Variants in EIF4G3 observed in about 807,000 individuals in gnomAD.
The protein encoded by EIF4G3 is eukaryotic translation initiation factor 4 gamma 3.
EIF4G3 carries 34 observed loss-of-function variants against 186.4 expected under a neutral mutation model. The observed-to-expected ratio is 0.18, with a 90% CI of 0.14 to 0.24. The LOEUF is 0.24. Among genes scored for constraint, EIF4G3 ranks in the 10% least tolerant of loss-of-function variants. The probability of loss-of-function intolerance (pLI) is 1.00; values close to 1 mark genes in which losing one functional copy is unlikely to be tolerated. For synonymous variants in EIF4G3, 673 were observed against 679.5 expected (o/e 0.99, Z 0.15); for missense variants, 1,536 against 1,948.5 (o/e 0.79, Z 3.99).
intron 2 of EIF4G3, among the ~76,000 whole-genome samples, chr1:21,103,814 A>AAC (rs2096568460): frequency 6.6e-6 from 1 of 152,172 alleles, no homozygotes; most frequent in Non-Finnish European, 1.5e-5. Context: ...ACTGCACTCC[A>AAC]ACCTGGGCAA....
intron 12 of EIF4G3, among the ~76,000 whole-genome samples, chr1:20,965,313 C>T (rs1271673697): frequency 6.6e-6 from 1 of 152,168 alleles, no homozygotes; most frequent in Non-Finnish European, 1.5e-5. Flanking sequence ...CTACAAAAGA[C>T]GTATTTTTAA....
chr1:20,990,355 A>G (rs1318490922), intron 7 of EIF4G3, among the ~76,000 whole-genome samples: 1 of 152,096 alleles, frequency 6.6e-6, no homozygotes, highest in Non-Finnish European at 1.5e-5. Context: ...GACTGAGAAA[A>G]TCATTAGCAT....
chr1:20,807,111 T>A lies in EIF4G3; in HGVS notation c.*208A>T, dbSNP rs1166443274. On this transcript the variant is annotated 3_prime_UTR_variant, in exon 37 of 37. Transcript: ENST00000602326. ...AATAATACATGTATTTTGGTTTTAG[T>A]GCTCCCGCCCTAAGGTTTGAAGTTT... The A allele has an allele frequency of 2.6e-6, 1 of 381,744 alleles. No individual in the cohort carries two copies. The highest frequency in any genetic ancestry group is 4.6e-6 in the Non-Finnish European group (1 of 217,044). 23.6% of individuals were successfully genotyped at this position (381,744 alleles called of 1,614,324 possible).
Position 20,886,948 on chromosome 1 carries a change from T to C in EIF4G3, c.2254-577A>G, listed in dbSNP as rs6698218. 2.1e-3 allele frequency among the ~76,000 whole-genome samples: 316 copies of C among 152,306 alleles called. 2 individuals are homozygous for C. Among genetic ancestry groups the C allele is most frequent in the African/African-American group, 7.2e-3 (301 of 41,576 alleles). ...ATTTGTCTGCTCTGTTCCTGCTGGATTCCCACTATACCCTTATGTTAAAAC... is the reference window on the plus strand; with the variant it reads ...ATTTGTCTGCTCTGTTCCTGCTGGACTCCCACTATACCCTTATGTTAAAAC... On this transcript the variant is annotated intron_variant, in intron 18 of 36. Transcript: ENST00000602326.
intron 2 of EIF4G3, among the ~76,000 whole-genome samples, chr1:21,138,022 C>T (rs561539329): frequency 6.6e-6 from 1 of 152,294 alleles, no homozygotes; most frequent in South Asian, 2.1e-4. Context: ...AAAACCACAA[C>T]TCTACTTTTC....
chr1:20,864,767 T>C (rs1177407132), intron 21 of EIF4G3, 55 bp from the exon 22 acceptor site: 1 of 1,383,422 alleles, frequency 7.2e-7, no homozygotes, highest in African/African-American at 1.4e-5. Context: ...TACTGCACAA[T>C]AAACACTGAG....
rs1187652075 is a variant in EIF4G3, at chr1:21,113,311, A to AT, written c.-271-24099dup. On this transcript the variant is annotated intron_variant, in intron 2 of 36. Transcript: ENST00000602326. ...TTAATAAGCTTTCTTAGGCTGAATG[A>AT]TTTTTTTTTTAAATTCTATCAAATG... Among the ~76,000 whole-genome samples the AT allele has an allele frequency of 4.8e-3, 727 of 150,388 alleles. 4 individuals are homozygous for AT. The highest frequency in any genetic ancestry group is 0.016 in the African/African-American group (642 of 41,074).
At chr1:20,992,443 T>A (rs1178741854) in intron 7 of EIF4G3, among the ~76,000 whole-genome samples, 1 of 152,178 alleles carries the variant, frequency 6.6e-6, no homozygotes, top group Non-Finnish European at 1.5e-5. Flanking sequence ...TTTCAAAAGT[T>A]TCTTTTTCAC....
At position 20,984,549 on chromosome 1, in the gene EIF4G3, T is replaced by TAC. The variant is rs1252854972; in HGVS notation, c.178-2142_178-2141insGT. Among the ~76,000 whole-genome samples the TAC allele has an allele frequency of 6.0e-3, 577 of 96,794 alleles. 5 individuals are homozygous for TAC. The highest frequency in any genetic ancestry group is 0.019 in the African/African-American group (540 of 28,328). The allele number at this position is 96,794 out of a possible 152,430, so 63.5% of individuals were successfully genotyped here. ...GTAAAGCACCAACCTAAGCATTATA[T>TAC]ATATATATATACACACACACACACA... On this transcript the variant is annotated intron_variant, in intron 7 of 36. Coordinates refer to ENST00000602326, the MANE Select transcript of EIF4G3 (RefSeq NM_001391906.1).
chr1:21,173,823 T>G (rs755495628), intron 2 of EIF4G3, among the ~76,000 whole-genome samples: 1 of 152,218 alleles, frequency 6.6e-6, no homozygotes, highest in Non-Finnish European at 1.5e-5. Context: ...GCCAAGATGC[T>G]TAAATGTTAT....
chr1:20,868,731 G>A (rs1342082748), intron 20 of EIF4G3, among the ~76,000 whole-genome samples: 4 of 152,124 alleles, frequency 2.6e-5, no homozygotes, highest in African/African-American at 9.7e-5. Context: ...TGGGTTGTTC[G>A]GGACGGGTTT....
intron 28 of EIF4G3, among the ~76,000 whole-genome samples, chr1:20,850,050 C>A (rs967102326): frequency 2.6e-5 from 4 of 152,182 alleles, no homozygotes; most frequent in Non-Finnish European, 4.4e-5. Flanking sequence ...CCCCTTGCCC[C>A]TATTCTACAT....
chr1:20,943,972 TTTTG>T (rs1332699843), intron 13 of EIF4G3, among the ~76,000 whole-genome samples: 1,028 of 44,758 alleles, frequency 0.023, 64 homozygotes, highest in African/African-American at 0.035. Context: ...TCTTTATTTT[TTTTG>T]TGTGTGTGTG....
chr1:20,908,739 TA>T (rs1230709386), intron 14 of EIF4G3, among the ~76,000 whole-genome samples: 1 of 152,182 alleles, frequency 6.6e-6, no homozygotes, highest in Admixed American at 6.5e-5. Flanking sequence ...ACCTAAGAGA[TA>T]AACACTGGAC....
At chr1:20,984,650 CG>C (rs1248302739) in intron 7 of EIF4G3, among the ~76,000 whole-genome samples, 1 of 143,414 alleles carries the variant, frequency 7.0e-6, no homozygotes, top group Non-Finnish European at 1.5e-5. Context: ...AGTGCAGTGG[CG>C]TGATCTTGGC....
Position 20,855,023 on chromosome 1 carries a change from T to C in EIF4G3, c.3388A>G (p.Ser1130Gly). 6.2e-7 allele frequency: 1 copy of C among 1,613,708 alleles called. No homozygotes were observed. The highest frequency in any genetic ancestry group is 8.5e-7 in the Non-Finnish European group (1 of 1,179,748). ...IQLVPKAQLG[S>G]WGKGSSGGAK... ...CCACCACTGCTGCCTTTTCCCCAGC[T>C]GCCTAGCTGTGCTTTAGGTACCAGC... Residue 1130 changes from serine to glycine, a missense_variant, in exon 26 of 37, where the codon AGC becomes GGC. Ser to Gly is a moderately conservative substitution (Grantham distance 56). Transcript: ENST00000602326.
At chr1:21,078,199 C>CAAG (rs2100681190) in intron 3 of EIF4G3, among the ~76,000 whole-genome samples, 1 of 152,046 alleles carries the variant, frequency 6.6e-6, no homozygotes, top group East Asian at 1.9e-4. Flanking sequence ...TCACAATAGC[C>CAAG]AAGATGTGGA....
intron 7 of EIF4G3, among the ~76,000 whole-genome samples, chr1:20,995,993 T>C (rs1179978206): frequency 6.6e-6 from 1 of 152,174 alleles, no homozygotes; most frequent in Non-Finnish European, 1.5e-5. Flanking sequence ...CGTCTCTCTC[T>C]TTTAGGAGTA....
In EIF4G3 at chr1:20,863,569, C is replaced by G. The variant is rs1206574508; in HGVS notation, c.3006+907G>C. 2.0e-5 allele frequency among the ~76,000 whole-genome samples: 3 copies of G among 151,574 alleles called. No individual in the cohort carries two copies. The East Asian group carries it at 5.8e-4, about 29-fold the overall frequency. Reference sequence around the variant, plus strand: ...AAGCAATTCTCCTGCCTCAGCCTCCCAAGTAGCTGGGATTACAGGCATGCG... The same window carrying G: ...AAGCAATTCTCCTGCCTCAGCCTCCGAAGTAGCTGGGATTACAGGCATGCG... On this transcript the variant is annotated intron_variant, in intron 22 of 36. Coordinates refer to ENST00000602326, the MANE Select transcript of EIF4G3 (RefSeq NM_001391906.1).
Sources: allele counts gnomAD v4.1 joint callset (sites outside exome capture counted in the v4.1 genomes callset), GRCh38; gene constraint gnomAD v4.1.1; transcripts MANE v1.5; gene names NCBI Gene and HGNC (gene_info 2026-07-23, HGNC 2026-07-21).